Variants in FOXP1 observed in about 807,000 individuals in gnomAD.
FOXP1 encodes the protein forkhead box protein P1.
In FOXP1, 15 loss-of-function variants were observed where a neutral mutation model predicts 98.2. That is an observed-to-expected ratio of 0.15 (90% CI 0.10 to 0.24). FOXP1 has a LOEUF of 0.24. FOXP1 is among the 10% of genes least tolerant of loss of function. The pLI is 1.00. For synonymous variants in FOXP1, 371 were observed against 314.5 expected (o/e 1.18, Z -1.90); for missense variants, 633 against 848.5 (o/e 0.75, Z 3.15).
intron 3 of FOXP1, among the ~76,000 whole-genome samples, chr3:71,371,027 T>G (rs1263428215): frequency 6.6e-6 from 1 of 152,032 alleles, no homozygotes; most frequent in Non-Finnish European, 1.5e-5. Flanking sequence ...TCCACCCACT[T>G]CAGCCTCCCT....
At chr3:71,400,075 A>G (rs1185644487) in intron 3 of FOXP1, among the ~76,000 whole-genome samples, 2 of 152,102 alleles carry the variant, frequency 1.3e-5, no homozygotes, top group Non-Finnish European at 2.9e-5. Flanking sequence ...CATGTGACAA[A>G]CTTTCATTTT....
chr3:71,365,451 CA>C (rs1209204141), intron 3 of FOXP1, among the ~76,000 whole-genome samples: 4,128 of 80,050 alleles, frequency 0.052, 106 homozygotes, highest in African/African-American at 0.11. Flanking sequence ...TTGCAACAAC[CA>C]AAAAAAAAAA....
chr3:71,251,956 C>T (rs574244111), intron 5 of FOXP1, among the ~76,000 whole-genome samples: 7 of 152,290 alleles, frequency 4.6e-5, no homozygotes, highest in African/African-American at 1.7e-4. Flanking sequence ...TCTCCCACCT[C>T]CTACTCCCCA....
intron 3 of FOXP1, among the ~76,000 whole-genome samples, chr3:71,468,316 C>A (rs2088980981): frequency 6.6e-6 from 1 of 152,128 alleles, no homozygotes; most frequent in African/African-American, 2.4e-5. Flanking sequence ...AATCAGCCAC[C>A]AAATGTCAAT....
intron 2 of FOXP1, among the ~76,000 whole-genome samples, chr3:71,545,026 C>T (rs1437739255): frequency 1.3e-5 from 2 of 152,166 alleles, no homozygotes; most frequent in Non-Finnish European, 2.9e-5. Flanking sequence ...ATTTCCAAGT[C>T]ACCACGCTTG....
intron 6 of FOXP1, among the ~76,000 whole-genome samples, chr3:71,167,297 C>T (rs1437279381): frequency 1.3e-5 from 2 of 152,134 alleles, no homozygotes; most frequent in South Asian, 2.1e-4. Flanking sequence ...AAGAAAATCA[C>T]TCTGGACATA....
At chr3:71,214,932 T>C (rs189728248) in intron 5 of FOXP1, among the ~76,000 whole-genome samples, 2 of 152,312 alleles carry the variant, frequency 1.3e-5, no homozygotes, top group Admixed American at 1.3e-4. Flanking sequence ...GTGATCAACC[T>C]GTGCACTGCA....
chr3:71,355,076 G>A (rs2107867268), intron 4 of FOXP1, among the ~76,000 whole-genome samples: 1 of 152,300 alleles, frequency 6.6e-6, no homozygotes. Flanking sequence ...GCAGTACATA[G>A]TGGGAACTTT....
At chr3:71,061,890 C>T (rs751483396) in intron 7 of FOXP1, among the ~76,000 whole-genome samples, 9 of 152,172 alleles carry the variant, frequency 5.9e-5, no homozygotes, top group Non-Finnish European at 1.3e-4. Flanking sequence ...ACATTCTCTC[C>T]TGATTGTCTC....
chr3:71,178,543 G>A (rs189310855), intron 6 of FOXP1, among the ~76,000 whole-genome samples: 165 of 152,262 alleles, frequency 1.1e-3, no homozygotes, highest in African/African-American at 3.9e-3. Context: ...GAGGCCAGGA[G>A]CTTGAGACCA....
intron 3 of FOXP1, among the ~76,000 whole-genome samples, chr3:71,474,154 T>C (rs1237010916): frequency 6.6e-6 from 1 of 152,126 alleles, no homozygotes; most frequent in African/African-American, 2.4e-5. Flanking sequence ...TTAGATGTTT[T>C]ATTGTTTCAC....
chr3:71,508,446 G>A (rs1179697288), intron 2 of FOXP1, among the ~76,000 whole-genome samples: 2 of 152,172 alleles, frequency 1.3e-5, no homozygotes, highest in Admixed American at 6.5e-5. Flanking sequence ...AGTGGTTAGA[G>A]GTCCAGGTGC....
intron 3 of FOXP1, among the ~76,000 whole-genome samples, chr3:71,485,143 C>T (rs1047861640): frequency 4.3e-4 from 65 of 152,116 alleles, no homozygotes; most frequent in Non-Finnish European, 2.2e-4. Context: ...TGAGGGCCAG[C>T]AGGTGTTGGG....
intron 6 of FOXP1, among the ~76,000 whole-genome samples, chr3:71,127,658 C>T (rs933106303): frequency 3.3e-5 from 5 of 152,200 alleles, no homozygotes; most frequent in Non-Finnish European, 2.9e-5. Context: ...TAGATCACAG[C>T]GCTTCCAGGT....
chr3:71,326,049 ACT>A (rs2075670878), intron 4 of FOXP1, among the ~76,000 whole-genome samples: 1 of 151,620 alleles, frequency 6.6e-6, no homozygotes, highest in Non-Finnish European at 1.5e-5. Flanking sequence ...CGTGCATATT[ACT>A]CTCTTTCTTG....
intron 7 of FOXP1, among the ~76,000 whole-genome samples, chr3:71,064,115 C>T (rs756635959): frequency 3.3e-5 from 5 of 152,218 alleles, no homozygotes; most frequent in Non-Finnish European, 7.3e-5. Flanking sequence ...AGTAATGCAA[C>T]AGAGGCTTAG....
chr3:71,035,361 G>C (rs2047441445), intron 11 of FOXP1, among the ~76,000 whole-genome samples: 1 of 152,176 alleles, frequency 6.6e-6, no homozygotes, highest in Admixed American at 6.5e-5. Flanking sequence ...GTGAAGGTCA[G>C]GGGTCAGCAA....
intron 7 of FOXP1, among the ~76,000 whole-genome samples, chr3:71,095,678 G>A (rs1228398901): frequency 3.3e-5 from 5 of 152,112 alleles, no homozygotes; most frequent in African/African-American, 9.7e-5. Context: ...GAGACCAGGT[G>A]TGACACTGAG....
At chr3:71,496,891 G>T (rs1233770200) in intron 2 of FOXP1, among the ~76,000 whole-genome samples, 1 of 151,878 alleles carries the variant, frequency 6.6e-6, no homozygotes, top group African/African-American at 2.4e-5. Flanking sequence ...TGTCTTATTT[G>T]ACTTCTAATA....
Sources: allele counts gnomAD v4.1 joint callset (sites outside exome capture counted in the v4.1 genomes callset), GRCh38; gene constraint gnomAD v4.1.1; transcripts MANE v1.5; gene names NCBI Gene and HGNC (gene_info 2026-07-23, HGNC 2026-07-21).